The following NID2 variants were observed in gnomAD, a reference collection of about 807,000 sequenced individuals.
NID2 encodes nidogen-2.
A neutral mutation model predicts 145.4 loss-of-function variants in NID2; 83 were observed. That is an observed-to-expected ratio of 0.57 (90% CI 0.48 to 0.69). NID2 has a LOEUF of 0.69. NID2 is among the 30% of genes least tolerant of loss of function. The pLI is 0.00. For missense variants in NID2, 1,807 were observed against 1,765.7 expected (o/e 1.02, Z -0.42); for synonymous variants, 739 against 701.3 (o/e 1.05, Z -0.85).
At chr14:52,064,437 G>A (rs1893119775) in intron 2 of NID2, among the ~76,000 whole-genome samples, 1 of 152,212 alleles carries the variant, frequency 6.6e-6, no homozygotes, top group South Asian at 2.1e-4. Flanking sequence ...AAAGCTGAGT[G>A]TGCTAATGTG....
intron 11 of NID2, among the ~76,000 whole-genome samples, chr14:52,027,997 G>A (rs991152159): frequency 6.6e-6 from 1 of 152,116 alleles, no homozygotes; most frequent in Non-Finnish European, 1.5e-5. Context: ...TACAGAAGAG[G>A]TAATTTGTTA....
chr14:52,030,108 G>C (rs1339917886), intron 9 of NID2, among the ~76,000 whole-genome samples: 2 of 152,154 alleles, frequency 1.3e-5, no homozygotes, highest in Non-Finnish European at 2.9e-5. Context: ...ACAAAGTCAG[G>C]AAGTGGCACA....
rs1467047123 is a variant in NID2, at chr14:52,014,364, C to T, written c.3343G>A (p.Gly1115Ser). The T allele has an allele frequency of 6.2e-7, 1 of 1,614,230 alleles. No homozygotes were observed. Among genetic ancestry groups the T allele is most frequent in the Non-Finnish European group, 8.5e-7 (1 of 1,180,040 alleles). ...SVGTFLLYTQ[G>S]QQIGYLPLNG... ...AGGGGTAAGTAGCCAATCTGCTGGC[C>T]CTGAGTATAGAGCAGGAAGGTGCCC... is the stretch of plus-strand genomic sequence containing the variant. The change falls in exon 16 of 22, where the codon GGC becomes AGC. Residue 1115 changes from glycine to serine, a missense_variant. Transcript: ENST00000216286.
rs1157809323 is a variant in NID2, at chr14:52,007,981, A to G, written c.3723-14T>C. On this transcript the variant is annotated splice_polypyrimidine_tract_variant and intron_variant, in intron 18 of 21. Coordinates refer to ENST00000216286, the MANE Select transcript of NID2 (RefSeq NM_007361.4). ...CAGTACAAGTTGCTGTAAGTTAAAA[A>G]TCAAGATTGTAAAAGAATAGCCATG... 6.3e-7 allele frequency: 1 copy of G among 1,591,268 alleles called. No individual in the cohort carries two copies. The highest frequency in any genetic ancestry group is 1.9e-5 in the Admixed American group (1 of 54,038).
At position 52,019,108 on chromosome 14, in the gene NID2, G is replaced by A. The variant is rs1891313567; in HGVS notation, c.2981C>T (p.Thr994Ile). The change falls in exon 14 of 22, where the codon ACC becomes ATC. Residue 994 changes from threonine to isoleucine, a missense_variant. By Grantham distance (89) the Thr-to-Ile change is moderately conservative (BLOSUM62 -1). Transcript: ENST00000216286. ...VDPDGHEVPG[T>I]QTPPGSTPPH... ...CGGGGTGGAGCCAGGTGGAGTCTGGGTACCAGGAACTTCATGACCATCAGG... is the reference window on the plus strand; with the variant it reads ...CGGGGTGGAGCCAGGTGGAGTCTGGATACCAGGAACTTCATGACCATCAGG... 3.1e-6 allele frequency: 5 copies of A among 1,613,996 alleles called. No individual in the cohort carries two copies. Among genetic ancestry groups the A allele is most frequent in the Non-Finnish European group, 4.2e-6 (5 of 1,180,016 alleles).
At chr14:52,029,460 G>A in intron 10 of NID2, 87 bp downstream of exon 10, 3 of 1,291,276 alleles carry the variant, frequency 2.3e-6, no homozygotes, top group Non-Finnish European at 3.2e-6. Context: ...AAAGGTGACA[G>A]ATACTTGTCT....
In NID2 at chr14:52,015,095, T is replaced by G; in HGVS notation, c.3209A>C (p.Glu1070Ala). The G allele has an allele frequency of 6.2e-7, 1 of 1,614,076 alleles. No individual in the cohort carries two copies. The highest frequency in any genetic ancestry group is 8.5e-7 in the Non-Finnish European group (1 of 1,179,992). ...TGGCTGGGAGCGGGTGCCCTGCACCTCTCTGCCATCTTTGTCCACACACCA... is the reference window on the plus strand; with the variant it reads ...TGGCTGGGAGCGGGTGCCCTGCACCGCTCTGCCATCTTTGTCCACACACCA... The part of the protein sequence containing the change: ...FCWCVDKDGR[E>A]VQGTRSQPGT... The change falls in exon 15 of 22, where the codon GAG becomes GCG. Residue 1070 changes from glutamate (E) to alanine (A), a missense_variant. Coordinates refer to ENST00000216286, the MANE Select transcript of NID2 (RefSeq NM_007361.4).
chr14:52,015,006 A>G (rs966546658), intron 15 of NID2, 48 bp downstream of exon 15: 1 of 1,458,268 alleles, frequency 6.9e-7, no homozygotes, highest in Non-Finnish European at 9.5e-7. Context: ...CATCCCTAGC[A>G]AAGGCCTTAG....
chr14:52,011,074 G>A (rs1890998520), intron 17 of NID2, 27 bp from the exon 18 acceptor site: 1 of 1,607,288 alleles, frequency 6.2e-7, no homozygotes, highest in Non-Finnish European at 8.5e-7. Context: ...GTCAGGACTG[G>A]AGTGTTTGCA....
chr14:52,023,246 G>T (rs570736246), intron 12 of NID2, among the ~76,000 whole-genome samples: 7 of 152,074 alleles, frequency 4.6e-5, no homozygotes, highest in Non-Finnish European at 1.0e-4. Flanking sequence ...GGAGGCTGAG[G>T]GGGGTAGATC....
At chr14:52,017,493 G>A (rs539212526) in intron 14 of NID2, among the ~76,000 whole-genome samples, 7 of 151,942 alleles carry the variant, frequency 4.6e-5, no homozygotes, top group African/African-American at 1.5e-4. Context: ...CCCTATTTTC[G>A]TCATTCACTT....
At chr14:52,023,348 G>T (rs1040042984) in intron 12 of NID2, among the ~76,000 whole-genome samples, 10 of 52,462 alleles carry the variant, frequency 1.9e-4, no homozygotes, top group African/African-American at 4.1e-4. Flanking sequence ...ATGCTACTTG[G>T]GGGGGCTGAG....
chr14:52,014,886 G>A (rs886610373), intron 15 of NID2, among the ~76,000 whole-genome samples, 168 bp downstream of exon 15: 2 of 152,082 alleles, frequency 1.3e-5, no homozygotes, highest in African/African-American at 4.8e-5. Context: ...GACACCAAAC[G>A]CAAATTGGGA....
chr14:52,030,577 G>GAAAGAAA (rs1566755681), intron 9 of NID2, among the ~76,000 whole-genome samples: 3 of 92,952 alleles, frequency 3.2e-5, no homozygotes, highest in African/African-American at 1.2e-4. Flanking sequence ...AGGAAGGAAG[G>GAAAGAAA]GAAAGAAAGA....
Position 52,069,057 on chromosome 14 carries a change from T to G in NID2, c.-63A>C. ...TCCCGCCCCGGCCTCCAGCCCACTC[T>G]CCGCGCCGCGCCAGCCTCGAACCTG... On this transcript the variant is annotated 5_prime_UTR_variant, in exon 1 of 22. Transcript: ENST00000216286. The G allele has an allele frequency of 7.4e-7, 1 of 1,354,902 alleles. No homozygotes were observed. Among genetic ancestry groups the G allele is most frequent in the South Asian group, 1.4e-5 (1 of 73,088 alleles). 83.9% of individuals were successfully genotyped at this position (1,354,902 alleles called of 1,614,324 possible).
At chr14:52,028,598 C>G in intron 11 of NID2, 124 bp downstream of exon 11, 1 of 1,130,902 alleles carries the variant, frequency 8.8e-7, no homozygotes, top group Non-Finnish European at 1.2e-6. Flanking sequence ...TTGATGTAAA[C>G]TGTCTTCTTA....
intron 7 of NID2, among the ~76,000 whole-genome samples, chr14:52,041,751 C>T (rs1892287257): frequency 6.6e-6 from 1 of 152,108 alleles, no homozygotes. Context: ...TAAAATCATC[C>T]CCAGGTGCCC....
intron 3 of NID2, among the ~76,000 whole-genome samples, chr14:52,055,941 T>TTGTGTTTGTG (rs138266897): frequency 2.7e-5 from 4 of 150,490 alleles, no homozygotes; most frequent in African/African-American, 9.8e-5. Context: ...TTGTGTGTGT[T>TTGTGTTTGTG]TGTGTGTGTG....
In NID2 at chr14:52,040,812, G is replaced by A. The variant is rs768317625; in HGVS notation, c.1865C>T (p.Pro622Leu). 3.1e-6 allele frequency: 5 copies of A among 1,614,122 alleles called. No individual in the cohort carries two copies. Among genetic ancestry groups the A allele is most frequent in the South Asian group, 2.2e-5 (2 of 91,072 alleles). ...FTHDMEVTFY[P>L]GEETVRITQT... ...AGTGATACGAACCGTCTCCTCTCCC[G>A]GGTAGAATGTAACTTCCATGTCATG... Residue 622 changes from proline (P) to leucine (L), a missense_variant, in exon 8 of 22, where the codon CCG becomes CTG. By Grantham distance (98) the Pro-to-Leu change is moderately conservative. Transcript: ENST00000216286.
Sources: allele counts gnomAD v4.1 joint callset (sites outside exome capture counted in the v4.1 genomes callset), GRCh38; gene constraint gnomAD v4.1.1; transcripts MANE v1.5; gene names NCBI Gene and HGNC (gene_info 2026-07-23, HGNC 2026-07-21).